The following INTS13 variants were observed in gnomAD, a reference collection of about 807,000 sequenced individuals.
The protein encoded by INTS13 is integrator complex subunit 13.
In INTS13, 35 loss-of-function variants were observed where a neutral mutation model predicts 90.2. The observed-to-expected ratio is 0.39, with a 90% CI of 0.30 to 0.51. The LOEUF (loss-of-function observed/expected upper bound fraction) is 0.51. Among genes scored for constraint, INTS13 ranks in the 20% least tolerant of loss-of-function variants. INTS13 has a pLI of 0.80. For synonymous variants in INTS13, 309 were observed against 277.1 expected (o/e 1.11, Z -1.14); for missense variants, 601 against 851.2 (o/e 0.71, Z 3.66).
rs946008369 is a variant in INTS13 at position 26,924,072 on chromosome 12, G to A, written c.804+283C>T. 7.2e-5 allele frequency among the ~76,000 whole-genome samples: 11 copies of A among 151,916 alleles called. 1 individual carries two copies. The East Asian group carries it at 1.7e-3, about 24-fold the overall frequency. On this transcript the variant is annotated intron_variant, in intron 7 of 16. Transcript: ENST00000261191. ...TGACCTGGTCAAAGACATTGAATGT[G>A]GGCTAGCAAAACAGAAAATACGATA...
At chr12:26,928,393 C>T in intron 4 of INTS13, 108 bp from the exon 5 acceptor site, 1 of 869,050 alleles carries the variant, frequency 1.2e-6, no homozygotes, top group Non-Finnish European at 1.8e-6. Context: ...AAAGTTACTT[C>T]ACTAAGGACT....
chr12:26,908,770 T>C (rs756927807), intron 15 of INTS13, among the ~76,000 whole-genome samples: 2 of 151,834 alleles, frequency 1.3e-5, no homozygotes, highest in Non-Finnish European at 2.9e-5. Context: ...TAAAATAGAA[T>C]GAAGGAAAAA....
intron 6 of INTS13, 72 bp from the exon 7 acceptor site, chr12:26,924,555 G>C: frequency 6.4e-6 from 9 of 1,412,036 alleles, no homozygotes; most frequent in Non-Finnish European, 8.6e-6. Flanking sequence ...AAATATTTTA[G>C]TATAAATCCA....
At chr12:26,934,740 C>A in intron 2 of INTS13, 110 bp from the exon 3 acceptor site, 2 of 850,216 alleles carry the variant, frequency 2.4e-6, no homozygotes, top group South Asian at 1.5e-5. Context: ...TTCATTCATT[C>A]TTCTTTTTAT....
At chr12:26,919,921 G>T (rs1162175253) in intron 8 of INTS13, among the ~76,000 whole-genome samples, 1 of 152,112 alleles carries the variant, frequency 6.6e-6, no homozygotes, top group Non-Finnish European at 1.5e-5. Context: ...GAGGTCAGGA[G>T]ATCAAGACCA....
intron 1 of INTS13, among the ~76,000 whole-genome samples, chr12:26,937,492 A>G (rs890754393): frequency 1.3e-5 from 2 of 152,208 alleles, no homozygotes; most frequent in Non-Finnish European, 2.9e-5. Context: ...AGGAAATTTA[A>G]AACTTTTAAA....
chr12:26,935,123 C>T (rs1217093619), intron 2 of INTS13, among the ~76,000 whole-genome samples: 2 of 152,126 alleles, frequency 1.3e-5, no homozygotes, highest in East Asian at 1.9e-4. Flanking sequence ...GGGTGAAAGT[C>T]AGAGCAGGCA....
intron 2 of INTS13, among the ~76,000 whole-genome samples, chr12:26,936,323 G>T (rs963699303): frequency 3.4e-4 from 52 of 152,164 alleles, no homozygotes; most frequent in African/African-American, 1.2e-3. Flanking sequence ...ACTGTTATGA[G>T]AATTACGGAA....
chr12:26,936,847 T>C, intron 1 of INTS13, 33 bp from the exon 2 acceptor site: 2 of 1,367,990 alleles, frequency 1.5e-6, no homozygotes, highest in Non-Finnish European at 2.1e-6. Flanking sequence ...GCCAAATATT[T>C]GTACATAACA....
chr12:26,913,952 TAAGA>T lies in INTS13; in HGVS notation c.1574+18_1574+21del, dbSNP rs1285630091. 3 of 1,588,272 alleles carry T rather than the reference TAAGA, an allele frequency of 1.9e-6. No homozygotes were observed. Among genetic ancestry groups the T allele is most frequent in the African/African-American group, 1.4e-5 (1 of 73,308 alleles). ...TATCAAGTAAATGTGATCTATAAAG[TAAGA>T]AAGAAAAAAAAATGTACCTTTTAGG... On this transcript the variant is annotated intron_variant, in intron 13 of 16. Coordinates refer to ENST00000261191, the MANE Select transcript of INTS13 (RefSeq NM_018164.3).
In INTS13 at chr12:26,933,303, G is replaced by GA. The variant is rs1254213749; in HGVS notation, c.300+1252dup. On this transcript the variant is annotated intron_variant, in intron 3 of 16. Transcript: ENST00000261191. ...ACACAGAGACAAGAACATTATCAAT[G>GA]AAACAATGCAGGGGAAATTTCCCTG... 5.9e-5 allele frequency among the ~76,000 whole-genome samples: 9 copies of GA among 152,206 alleles called. No homozygotes were observed. In the East Asian group the frequency reaches 1.7e-3, roughly 29 times the overall value.
At position 26,913,533 on chromosome 12, in the gene INTS13, T is replaced by A. The variant is rs1171061206; in HGVS notation, c.1729A>T (p.Arg577Trp). The change falls in exon 14 of 17, where the codon AGG (arginine) becomes TGG (tryptophan). Residue 577 changes from arginine (R) to tryptophan (W), a missense_variant. By Grantham distance (101) the Arg-to-Trp change is moderately radical. Around this residue, in one of 3 missense-constraint regions of INTS13, gnomAD observed 228 missense variants for 272.5 expected, o/e 0.84. Coordinates refer to ENST00000261191, the MANE Select transcript of INTS13 (RefSeq NM_018164.3). ...TCTGACTTGTCCTCTTTGTCTTCCC[T>A]CTTTCTTCCTCGTTTCTTTCGTTCT... is the stretch of plus-strand genomic sequence containing the variant. ...EEERKKRGRK[R>W]EDKEDKSEKA... is the part of the protein sequence containing the mutation. 6.2e-7 allele frequency: 1 copy of A among 1,614,056 alleles called. No homozygotes were observed. Among genetic ancestry groups the A allele is most frequent in the Non-Finnish European group, 8.5e-7 (1 of 1,180,040 alleles).
chr12:26,924,540 C>T (rs1937762484), intron 6 of INTS13, 57 bp from the exon 7 acceptor site: 3 of 1,511,258 alleles, frequency 2.0e-6, no homozygotes, highest in East Asian at 4.7e-5. Flanking sequence ...TTGTGACCTA[C>T]TGCTAAATAT....
intron 8 of INTS13, among the ~76,000 whole-genome samples, chr12:26,921,762 T>G (rs780732041): frequency 2.0e-5 from 3 of 152,108 alleles, no homozygotes; most frequent in African/African-American, 4.8e-5. Flanking sequence ...TTCAAGAGAT[T>G]CTCCTGCTTG....
Position 26,914,057 on chromosome 12 carries a change from T to C in INTS13, c.1491A>G (p.Thr497=), listed in dbSNP as rs1565820609. Residue 497 remains threonine, a synonymous_variant, in exon 13 of 17, where the codon ACA becomes ACG. Transcript: ENST00000261191. ...TEEDVLNCQK[T]IYNLVDMERK... is the part of the protein sequence containing the mutation. ...TTTCCATATCAACTAAGTTGTATAT[T>C]GTTTTTTGACAGTTTAACACATCTT... The C allele has an allele frequency of 6.2e-7, 1 of 1,611,810 alleles. No individual in the cohort carries two copies. The highest frequency in any genetic ancestry group is 8.5e-7 in the Non-Finnish European group (1 of 1,179,108).
Position 26,905,379 on chromosome 12 carries a change from A to G in INTS13, c.*118T>C. ...CAAAAATGACAGCTGAAATATTTTA[A>G]AAATGTAAAAACCAGTCCAGGCAAC... On this transcript the variant is annotated 3_prime_UTR_variant, in exon 17 of 17. Coordinates refer to ENST00000261191, the MANE Select transcript of INTS13 (RefSeq NM_018164.3). 1 of 877,592 alleles carries G rather than the reference A, an allele frequency of 1.1e-6. No homozygotes were observed. Among genetic ancestry groups the G allele is most frequent in the South Asian group, 1.7e-5 (1 of 58,572 alleles). The allele number at this position is 877,592 out of a possible 1,614,324, so 54.4% of individuals were successfully genotyped here.
chr12:26,934,820 T>C (rs1291617266), intron 2 of INTS13, among the ~76,000 whole-genome samples, 190 bp from the exon 3 acceptor site: 1 of 152,148 alleles, frequency 6.6e-6, no homozygotes, highest in Non-Finnish European at 1.5e-5. Context: ...GAGTGATGAA[T>C]AAAAAAGTTC....
intron 3 of INTS13, among the ~76,000 whole-genome samples, chr12:26,930,945 G>A (rs1194035419): frequency 6.6e-6 from 1 of 152,154 alleles, no homozygotes; most frequent in Non-Finnish European, 1.5e-5. Flanking sequence ...ATTCTGGAAT[G>A]ATATTAGTGC....
Position 26,928,875 on chromosome 12 carries a change from G to T in INTS13, c.331C>A (p.Pro111Thr). 6.2e-7 allele frequency: 1 copy of T among 1,614,184 alleles called. No individual in the cohort carries two copies. The highest frequency in any genetic ancestry group is 8.5e-7 in the Non-Finnish European group (1 of 1,180,032). The change falls in exon 4 of 17, where the codon CCT (proline) becomes ACT (threonine). Residue 111 changes from proline (P) to threonine (T), a missense_variant. This residue lies in a region of INTS13 where 284 missense variants were observed against 387.7 expected (regional missense o/e 0.73). Coordinates refer to ENST00000261191, the MANE Select transcript of INTS13 (RefSeq NM_018164.3). ...LMAALAAVGP[P>T]NPRADPECCS... is the part of the protein sequence containing the mutation. ...CACTCTGGATCTGCCCGAGGATTAG[G>T]AGGCCCAACAGCGGCTAATGCTGCC...
Sources: allele counts gnomAD v4.1 joint callset (sites outside exome capture counted in the v4.1 genomes callset), GRCh38; gene constraint gnomAD v4.1.1; regional missense constraint gnomAD v4.1.1; transcripts MANE v1.5; gene names NCBI Gene and HGNC (gene_info 2026-07-23, HGNC 2026-07-21).